MYO3B: variants seen among roughly 807,000 people sequenced by gnomAD.
The protein encoded by MYO3B is myosin-IIIb.
A neutral mutation model predicts 174.6 loss-of-function variants in MYO3B; 156 were observed. That is an observed-to-expected ratio of 0.89 (90% CI 0.78 to 1.02). MYO3B has a LOEUF of 1.02. MYO3B is among the 50% of genes least tolerant of loss of function. The probability of loss-of-function intolerance (pLI) is 0.00; values close to 1 mark genes in which losing one functional copy is unlikely to be tolerated. For synonymous variants in MYO3B, 563 were observed against 569.1 expected (o/e 0.99, Z 0.15); for missense variants, 1,632 against 1,639.4 (o/e 1.00, Z 0.08).
At chr2:170,353,360 A>G (rs552096181) in intron 8 of MYO3B, among the ~76,000 whole-genome samples, 56 of 151,660 alleles carry the variant, frequency 3.7e-4, no homozygotes, top group Admixed American at 3.5e-3. Flanking sequence ...AAAAGGCAAA[A>G]CCATGGAGAC....
At chr2:170,649,347 AT>A (rs1345546441) in intron 32 of MYO3B, among the ~76,000 whole-genome samples, 1 of 50,468 alleles carries the variant, frequency 2.0e-5, no homozygotes, top group Non-Finnish European at 3.2e-5. Context: ...TATATATAAA[AT>A]AATATATAAT....
At chr2:170,505,528 A>G (rs1431595794) in intron 28 of MYO3B, among the ~76,000 whole-genome samples, 1 of 152,220 alleles carries the variant, frequency 6.6e-6, no homozygotes. Flanking sequence ...AAATTACCTT[A>G]TGTTTCAGAA....
chr2:170,499,204 T>A (rs1687066538), intron 26 of MYO3B, among the ~76,000 whole-genome samples: 1 of 152,180 alleles, frequency 6.6e-6, no homozygotes, highest in African/African-American at 2.4e-5. Flanking sequence ...TCTGCCTGAG[T>A]GACGATGGCA....
At chr2:170,529,216 G>T (rs974361551) in intron 30 of MYO3B, among the ~76,000 whole-genome samples, 1 of 152,132 alleles carries the variant, frequency 6.6e-6, no homozygotes, top group East Asian at 1.9e-4. Flanking sequence ...TTAGAGGTCG[G>T]GAGGAGGAGG....
chr2:170,531,732 A>C (rs1689362560), intron 30 of MYO3B, among the ~76,000 whole-genome samples: 1 of 152,182 alleles, frequency 6.6e-6, no homozygotes. Context: ...AAATGATGAC[A>C]AAAGAGTATA....
chr2:170,597,201 G>A (rs192113295), intron 32 of MYO3B, among the ~76,000 whole-genome samples: 1 of 151,782 alleles, frequency 6.6e-6, no homozygotes, highest in East Asian at 1.9e-4. Context: ...TGAAACCTCG[G>A]CTCTACTAAA....
intron 4 of MYO3B, 43 bp from the exon 5 acceptor site, chr2:170,214,686 C>A: frequency 6.4e-7 from 1 of 1,559,312 alleles, no homozygotes; most frequent in South Asian, 1.1e-5. Context: ...TAAATTTCCC[C>A]TTTCTCTTTC....
Position 170,403,066 on chromosome 2 carries a change from C to G in MYO3B, c.2277+71C>G. 8.2e-6 allele frequency: 12 copies of G among 1,455,906 alleles called. 1 individual carries two copies. In the South Asian group the frequency reaches 1.6e-4, roughly 19 times the overall value. 90.2% of individuals were successfully genotyped at this position (1,455,906 alleles called of 1,614,324 possible). A position where few individuals can be genotyped will look rare whatever the true frequency, so the allele number is the denominator to read the frequency against. On this transcript the variant is annotated intron_variant, in intron 19 of 34. Coordinates refer to ENST00000408978, the MANE Select transcript of MYO3B (RefSeq NM_138995.5). ...TCTCCAAGCTGCCCACAATTTGTAG[C>G]AGAAACCCTGTAGACTAACAACTAA... is the stretch of plus-strand genomic sequence containing the variant.
chr2:170,457,600 C>G (rs1267586004), intron 23 of MYO3B, among the ~76,000 whole-genome samples: 1 of 152,170 alleles, frequency 6.6e-6, no homozygotes, highest in African/African-American at 2.4e-5. Flanking sequence ...ACATCTTGTC[C>G]AACTAGAAGG....
chr2:170,605,370 T>C (rs1694749807), intron 32 of MYO3B, among the ~76,000 whole-genome samples: 1 of 152,196 alleles, frequency 6.6e-6, no homozygotes, highest in Non-Finnish European at 1.5e-5. Flanking sequence ...AGTGATGTGT[T>C]GATGATGCCC....
At chr2:170,261,711 T>G (rs2093347185) in intron 7 of MYO3B, among the ~76,000 whole-genome samples, 1 of 152,200 alleles carries the variant, frequency 6.6e-6, no homozygotes, top group African/African-American at 2.4e-5. Context: ...CATGATGCTA[T>G]GTTTAGCATT....
At chr2:170,399,279 T>A in intron 16 of MYO3B, among the ~76,000 whole-genome samples, 1 of 103,082 alleles carries the variant, frequency 9.7e-6, no homozygotes, top group Admixed American at 9.7e-5. Flanking sequence ...GAGAGACCAG[T>A]CTGGCCAACA....
chr2:170,337,004 G>C (rs1320087055), intron 8 of MYO3B, among the ~76,000 whole-genome samples: 1 of 151,470 alleles, frequency 6.6e-6, no homozygotes. Context: ...AGGGTATCTC[G>C]TTGCCCCTTT....
intron 7 of MYO3B, among the ~76,000 whole-genome samples, chr2:170,248,096 G>A (rs955530624): frequency 6.6e-6 from 1 of 152,156 alleles, no homozygotes; most frequent in African/African-American, 2.4e-5. Context: ...TGGACTGGAA[G>A]CTCTTGTGTT....
chr2:170,542,742 T>C (rs75605748), intron 30 of MYO3B, among the ~76,000 whole-genome samples, 164 bp from the exon 31 acceptor site: 3 of 152,192 alleles, frequency 2.0e-5, no homozygotes, highest in African/African-American at 7.2e-5. Context: ...GTAGGACTCA[T>C]TTTCTTAAGG....
chr2:170,236,263 C>A, intron 7 of MYO3B, 127 bp downstream of exon 7: 355 of 995,338 alleles, frequency 3.6e-4, no homozygotes, highest in Non-Finnish European at 4.8e-4. Context: ...AATATATTTT[C>A]TTTGAAAAAG....
chr2:170,265,901 G>C (rs970252236), intron 7 of MYO3B, among the ~76,000 whole-genome samples: 4 of 151,960 alleles, frequency 2.6e-5, no homozygotes, highest in Non-Finnish European at 5.9e-5. Context: ...AAATAAAGTA[G>C]AAAAAAATAG....
chr2:170,375,340 C>T (rs182807422), intron 9 of MYO3B, among the ~76,000 whole-genome samples: 6 of 152,242 alleles, frequency 3.9e-5, no homozygotes, highest in South Asian at 2.1e-4. Flanking sequence ...GGAAAGGACT[C>T]GATTGTCTCT....
At chr2:170,404,993 C>T (rs1373067186) in intron 20 of MYO3B, among the ~76,000 whole-genome samples, 9 of 152,176 alleles carry the variant, frequency 5.9e-5, no homozygotes, top group Non-Finnish European at 1.2e-4. Context: ...ACTTAGATTG[C>T]GAGGTGCTTG....
Sources: allele counts gnomAD v4.1 joint callset (sites outside exome capture counted in the v4.1 genomes callset), GRCh38; gene constraint gnomAD v4.1.1; transcripts MANE v1.5; gene names NCBI Gene and HGNC (gene_info 2026-07-23, HGNC 2026-07-21).